Variants in UVRAG observed in about 807,000 individuals in gnomAD.
UVRAG encodes UV radiation resistance associated.
UVRAG carries 19 observed loss-of-function variants against 78.0 expected under a neutral mutation model. The ratio of observed to expected loss-of-function variants is 0.24; its 90% CI spans 0.17 to 0.36. The LOEUF is 0.36. Among genes scored for constraint, UVRAG ranks in the 10% least tolerant of loss-of-function variants. The pLI, the probability that UVRAG is intolerant of heterozygous loss-of-function variation, is 1.00. For synonymous variants in UVRAG, 323 were observed against 324.6 expected (o/e 1.00, Z 0.05); for missense variants, 740 against 853.8 (o/e 0.87, Z 1.66).
rs528409098 is a variant in UVRAG, at chr11:76,047,710, G to A, written c.1227-18000G>A. Among the ~76,000 whole-genome samples, 4 of 152,274 alleles carry A rather than the reference G, an allele frequency of 2.6e-5. No homozygotes were observed. In the East Asian group the frequency reaches 5.8e-4, roughly 22 times the overall value. ...AAACTGTCATTTTCACAGTTTGAAC[G>A]TAATTTTTAGAACCCTCAAGAGTAA... On this transcript the variant is annotated intron_variant, in intron 12 of 14. Coordinates refer to ENST00000356136, the MANE Select transcript of UVRAG (RefSeq NM_003369.4).
intron 12 of UVRAG, among the ~76,000 whole-genome samples, chr11:76,034,366 A>G (rs1950491231): frequency 6.6e-6 from 1 of 151,646 alleles, no homozygotes; most frequent in South Asian, 2.1e-4. Flanking sequence ...TATTTTTTCT[A>G]ATTGTATTTT....
chr11:75,849,504 A>AG (rs1400452573), intron 1 of UVRAG, among the ~76,000 whole-genome samples: 1 of 152,164 alleles, frequency 6.6e-6, no homozygotes, highest in African/African-American at 2.4e-5. Flanking sequence ...AAAAAAAAAA[A>AG]AAAATTAATG....
At chr11:76,132,301 T>TC (rs1024835418) in intron 14 of UVRAG, among the ~76,000 whole-genome samples, 1 of 152,160 alleles carries the variant, frequency 6.6e-6, no homozygotes, top group Non-Finnish European at 1.5e-5. Context: ...TGTTTAAAAG[T>TC]CTTTTTTTTT....
chr11:76,110,163 G>T (rs181776392), intron 13 of UVRAG, among the ~76,000 whole-genome samples: 2 of 149,324 alleles, frequency 1.3e-5, no homozygotes, highest in African/African-American at 5.1e-5. Context: ...CAGCCTAGTG[G>T]TAGATACTGT....
At chr11:76,065,632 C>T in intron 12 of UVRAG, 78 bp from the exon 13 acceptor site, 2 of 1,338,182 alleles carry the variant, frequency 1.5e-6, no homozygotes, top group Non-Finnish European at 2.1e-6. Flanking sequence ...ATCTAAGAAA[C>T]TTCAGCCTCT....
At chr11:75,981,850 T>C (rs1367133830) in intron 7 of UVRAG, among the ~76,000 whole-genome samples, 2 of 152,186 alleles carry the variant, frequency 1.3e-5, no homozygotes, top group Non-Finnish European at 2.9e-5. Flanking sequence ...GTTTTTGTTA[T>C]TTTTTGTTCT....
At chr11:75,889,295 G>A (rs1044255500) in intron 5 of UVRAG, among the ~76,000 whole-genome samples, 1 of 152,152 alleles carries the variant, frequency 6.6e-6, no homozygotes, top group Admixed American at 6.5e-5. Flanking sequence ...TTTATAGTCA[G>A]CATTATCTCT....
chr11:75,872,457 C>T (rs1482069000), intron 3 of UVRAG, among the ~76,000 whole-genome samples: 3 of 149,314 alleles, frequency 2.0e-5, no homozygotes, highest in African/African-American at 4.9e-5. Context: ...AGTGCGATCT[C>T]GGCTCCCTGC....
intron 13 of UVRAG, among the ~76,000 whole-genome samples, chr11:76,113,242 T>C (rs1952113043): frequency 6.6e-6 from 1 of 152,288 alleles, no homozygotes; most frequent in Admixed American, 6.5e-5. Context: ...ATTGAGAAGA[T>C]GAGGAAGGGA....
intron 9 of UVRAG, among the ~76,000 whole-genome samples, chr11:76,005,267 C>T (rs543889872): frequency 2.0e-5 from 3 of 152,182 alleles, no homozygotes; most frequent in Non-Finnish European, 2.9e-5. Context: ...GGCGTGAGCC[C>T]GGGCGGTGGA....
At chr11:76,025,846 A>G (rs1950317318) in intron 12 of UVRAG, among the ~76,000 whole-genome samples, 1 of 152,164 alleles carries the variant, frequency 6.6e-6, no homozygotes, top group Admixed American at 6.6e-5. Flanking sequence ...TAAGGCGGTC[A>G]TATATCCTAT....
At chr11:76,037,642 G>A (rs896054559) in intron 12 of UVRAG, among the ~76,000 whole-genome samples, 1 of 151,992 alleles carries the variant, frequency 6.6e-6, no homozygotes, top group Non-Finnish European at 1.5e-5. Flanking sequence ...AGCCTGGGAG[G>A]TTGAGACTGC....
intron 12 of UVRAG, among the ~76,000 whole-genome samples, chr11:76,054,321 A>G (rs1280857242): frequency 2.6e-5 from 4 of 152,122 alleles, no homozygotes; most frequent in East Asian, 3.8e-4. Context: ...CACCACCTCC[A>G]CAGCCACCAT....
intron 12 of UVRAG, among the ~76,000 whole-genome samples, chr11:76,022,019 A>T (rs1259842457): frequency 6.6e-6 from 1 of 152,202 alleles, no homozygotes; most frequent in African/African-American, 2.4e-5. Context: ...GCAGCACTGC[A>T]TTCCAGCCTG....
intron 12 of UVRAG, among the ~76,000 whole-genome samples, chr11:76,054,663 C>G (rs749105206): frequency 3.3e-5 from 5 of 152,254 alleles, no homozygotes; most frequent in Non-Finnish European, 5.9e-5. Flanking sequence ...CTGGAACACT[C>G]TTCCCCAGAT....
chr11:75,841,079 T>A (rs1425203394), intron 1 of UVRAG, among the ~76,000 whole-genome samples: 4 of 152,152 alleles, frequency 2.6e-5, no homozygotes, highest in Admixed American at 2.6e-4. Context: ...GTAATATAAA[T>A]TTGCCCGAAA....
chr11:75,994,314 C>T (rs560564599), intron 8 of UVRAG, among the ~76,000 whole-genome samples: 8 of 152,260 alleles, frequency 5.3e-5, no homozygotes, highest in Admixed American at 5.2e-4. Context: ...ATCCTTAAAG[C>T]ATCTCTGAAA....
Position 76,141,533 on chromosome 11 carries a change from GA to G in UVRAG, c.*125del. 2 of 1,036,344 alleles carry G rather than the reference GA, an allele frequency of 1.9e-6. No individual in the cohort carries two copies. The highest frequency in any genetic ancestry group is 2.7e-6 in the Non-Finnish European group (2 of 731,584). The allele number at this position is 1,036,344 out of a possible 1,614,324, so 64.2% of individuals were successfully genotyped here. A position where few individuals can be genotyped will look rare whatever the true frequency, so the allele number is the denominator to read the frequency against. ...GAATATTAATGGAGGATATTCCTCGGAAAAACAGACTTTGGGAATGAAGGAG... is the reference window on the plus strand; with the variant it reads ...GAATATTAATGGAGGATATTCCTCGGAAAACAGACTTTGGGAATGAAGGAG... On this transcript the variant is annotated 3_prime_UTR_variant, in exon 15 of 15. Transcript: ENST00000356136.
intron 2 of UVRAG, among the ~76,000 whole-genome samples, chr11:75,855,140 T>G (rs774634669): frequency 2.0e-5 from 3 of 152,236 alleles, no homozygotes; most frequent in Non-Finnish European, 4.4e-5. Flanking sequence ...TCTAGAGATA[T>G]GATGAAAGCA....
Sources: gnomAD v4.1 joint callset for allele counts (sites outside exome capture counted in the v4.1 genomes callset) on GRCh38, gnomAD v4.1.1 for gene constraint, MANE v1.5 for transcripts, NCBI Gene and HGNC (gene_info 2026-07-23, HGNC 2026-07-21) for gene names.